Variants in SEC22A observed in about 807,000 individuals in gnomAD.
SEC22A encodes SEC22 homolog A, vesicle trafficking protein, also known as vesicle-trafficking protein SEC22a.
SEC22A carries 22 observed loss-of-function variants against 35.3 expected under a neutral mutation model. The observed-to-expected ratio is 0.62, with a 90% CI of 0.45 to 0.89. The LOEUF (loss-of-function observed/expected upper bound fraction) is 0.89, where lower values mean the gene tolerates loss of function less well. SEC22A is among the 40% of genes least tolerant of loss of function. SEC22A has a pLI of 0.00. For missense variants in SEC22A, 354 were observed against 362.5 expected, an observed-to-expected ratio of 0.98 and a Z score of 0.19; for synonymous variants, 119 against 129.5, an observed-to-expected ratio of 0.92 and a Z score of 0.55.
At chr3:123,230,741 A>T (rs1318836003) in intron 4 of SEC22A, among the ~76,000 whole-genome samples, 1 of 150,854 alleles carries the variant, frequency 6.6e-6, no homozygotes, top group East Asian at 1.9e-4. Context: ...GGATAGAGCC[A>T]AAAAAGGCAT....
intron 5 of SEC22A, among the ~76,000 whole-genome samples, chr3:123,258,763 T>A (rs867364487): frequency 1.3e-5 from 2 of 152,122 alleles, no homozygotes; most frequent in African/African-American, 4.8e-5. Context: ...CAAATTAATG[T>A]TCCTGCCTGG....
chr3:123,237,949 T>C (rs1296764218), intron 4 of SEC22A, among the ~76,000 whole-genome samples: 4 of 152,046 alleles, frequency 2.6e-5, no homozygotes, highest in Non-Finnish European at 4.4e-5. Context: ...CCTAGGTGTT[T>C]GAGACCAGCC....
At chr3:123,238,566 T>C (rs898545724) in intron 4 of SEC22A, among the ~76,000 whole-genome samples, 1 of 152,218 alleles carries the variant, frequency 6.6e-6, no homozygotes, top group Non-Finnish European at 1.5e-5. Flanking sequence ...TTTTCTATGG[T>C]CCCCAAGTTA....
chr3:123,209,139 A>C, intron 1 of SEC22A, 60 bp from the exon 2 acceptor site: 1 of 1,325,296 alleles, frequency 7.5e-7, no homozygotes, highest in South Asian at 1.2e-5. Context: ...ACATTTTTAC[A>C]TATGCTTATC....
At chr3:123,268,887 T>G (rs1266485700) in intron 6 of SEC22A, among the ~76,000 whole-genome samples, 1 of 152,198 alleles carries the variant, frequency 6.6e-6, no homozygotes, top group Non-Finnish European at 1.5e-5. Flanking sequence ...TGGTTTTATC[T>G]TTCTTAACAT....
intron 6 of SEC22A, among the ~76,000 whole-genome samples, chr3:123,271,147 C>T (rs1938149933): frequency 6.6e-6 from 1 of 152,118 alleles, no homozygotes; most frequent in African/African-American, 2.4e-5. Flanking sequence ...CTTGTATGTG[C>T]TTTTTTGTAT....
chr3:123,260,101 C>T (rs1247618579), intron 6 of SEC22A, among the ~76,000 whole-genome samples: 3 of 129,616 alleles, frequency 2.3e-5, no homozygotes, highest in South Asian at 2.5e-4. Flanking sequence ...CACTGCACTC[C>T]GGCCTGGGCA....
At position 123,273,805 on chromosome 3, in the gene SEC22A, TCTCAAAAAA is replaced by T. The variant is rs1268700728; in HGVS notation, c.*2084_*2092del. The stretch of plus-strand genomic sequence containing the variant: ...GCCTGGCCAACAGAGCGAGACTCTG[TCTCAAAAAA>T]GAAAGGTTTTCTAAACTAATGGTTA... On this transcript the variant is annotated 3_prime_UTR_variant, in exon 7 of 7. Coordinates refer to ENST00000492595, the MANE Select transcript of SEC22A (RefSeq NM_012430.5). 2 of 151,338 alleles carry T rather than the reference TCTCAAAAAA, an allele frequency of 1.3e-5. No individual in the cohort carries two copies. Among genetic ancestry groups the T allele is most frequent in the Non-Finnish European group, 2.9e-5 (2 of 68,028 alleles). The allele number at this position is 151,338 out of a possible 1,614,324, so 9.4% of individuals were successfully genotyped here.
chr3:123,216,917 C>T (rs1422482805), intron 2 of SEC22A, among the ~76,000 whole-genome samples: 1 of 152,150 alleles, frequency 6.6e-6, no homozygotes. Flanking sequence ...CCCTTGAACT[C>T]CTGGGTTCAC....
chr3:123,271,427 AT>A, intron 6 of SEC22A, 94 bp from the exon 7 acceptor site: 1 of 965,410 alleles, frequency 1.0e-6, no homozygotes, highest in Non-Finnish European at 1.6e-6. Flanking sequence ...ATCCATTCTT[AT>A]ATTTTACTCT....
At chr3:123,251,258 G>A (rs1395468958) in intron 5 of SEC22A, among the ~76,000 whole-genome samples, 1 of 152,090 alleles carries the variant, frequency 6.6e-6, no homozygotes, top group Non-Finnish European at 1.5e-5. Context: ...AAAGAAGCAT[G>A]GGGTATAAAT....
chr3:123,242,118 G>A lies in SEC22A; in HGVS notation c.542-3781G>A, dbSNP rs1007499420. 5.9e-5 allele frequency among the ~76,000 whole-genome samples: 9 copies of A among 151,924 alleles called. No homozygotes were observed. The East Asian group carries it at 1.7e-3, about 29-fold the overall frequency. ...GGTTTCACTTGATTCTCCTGCATCT[G>A]CCTTCCCTGACTCTTCTTCCATCCC... On this transcript the variant is annotated intron_variant, in intron 4 of 6. Transcript: ENST00000492595.
At chr3:123,264,625 A>ATT (rs369549384) in intron 6 of SEC22A, among the ~76,000 whole-genome samples, 9 of 133,274 alleles carry the variant, frequency 6.8e-5, no homozygotes, top group African/African-American at 2.5e-4. Flanking sequence ...ACATCTTTTG[A>ATT]TTTTTTTTTT....
At chr3:123,264,701 T>C (rs1053297081) in intron 6 of SEC22A, among the ~76,000 whole-genome samples, 3 of 151,894 alleles carry the variant, frequency 2.0e-5, no homozygotes, top group Admixed American at 2.0e-4. Context: ...TGATCTCGGC[T>C]CACTGCAACC....
chr3:123,231,115 G>A (rs185779294), intron 4 of SEC22A, among the ~76,000 whole-genome samples: 1 of 152,154 alleles, frequency 6.6e-6, no homozygotes, highest in Admixed American at 6.5e-5. Context: ...TTAAGATAGA[G>A]CTATAAACAT....
intron 5 of SEC22A, among the ~76,000 whole-genome samples, chr3:123,257,317 G>A (rs1462038198): frequency 6.6e-6 from 1 of 152,128 alleles, no homozygotes; most frequent in East Asian, 1.9e-4. Context: ...TTTTTCAAAA[G>A]AGGAAATTAA....
chr3:123,209,336 T>G lies in SEC22A; in HGVS notation c.119T>G (p.Leu40Arg), dbSNP rs765048275. The part of the protein sequence containing the change: ...MQECRKYFKM[L>R]SRKLAQLPDR... ...GAGTGCAGAAAGTATTTTAAAATGCTTTCGAGGAAACTTGCTCAACTTCCT... is the reference window on the plus strand; with the variant it reads ...GAGTGCAGAAAGTATTTTAAAATGCGTTCGAGGAAACTTGCTCAACTTCCT... The change falls in exon 2 of 7, where the codon CTT (leucine) becomes CGT (arginine). Residue 40 changes from leucine (L) to arginine (R), a missense_variant. Coordinates refer to ENST00000492595, the MANE Select transcript of SEC22A (RefSeq NM_012430.5). The G allele has an allele frequency of 6.2e-7, 1 of 1,614,104 alleles. No individual in the cohort carries two copies. The highest frequency in any genetic ancestry group is 1.1e-5 in the South Asian group (1 of 91,084).
At chr3:123,257,126 T>C (rs1937750553) in intron 5 of SEC22A, among the ~76,000 whole-genome samples, 1 of 152,170 alleles carries the variant, frequency 6.6e-6, no homozygotes, top group Admixed American at 6.5e-5. Context: ...GATAAATATT[T>C]ATTAAATGGA....
chr3:123,249,079 G>C (rs1459131956), intron 5 of SEC22A, among the ~76,000 whole-genome samples: 1 of 152,108 alleles, frequency 6.6e-6, no homozygotes, highest in Non-Finnish European at 1.5e-5. Context: ...CAGAACTCAC[G>C]GAAATATGTT....
Sources: allele counts gnomAD v4.1 joint callset (sites outside exome capture counted in the v4.1 genomes callset), GRCh38; gene constraint gnomAD v4.1.1; transcripts MANE v1.5; gene names NCBI Gene and HGNC (gene_info 2026-07-23, HGNC 2026-07-21).